Variants in BACH2 observed in about 807,000 individuals in gnomAD.
BACH2 encodes BACH transcriptional regulator 2.
BACH2 carries 5 observed loss-of-function variants against 61.8 expected under a neutral mutation model. The observed-to-expected ratio is 0.08, with a 90% confidence interval of 0.04 to 0.17. BACH2 has a LOEUF of 0.17. BACH2 is among the 10% of genes least tolerant of loss of function. BACH2 has a pLI of 1.00. For synonymous variants in BACH2, 446 were observed against 440.1 expected (o/e 1.01, Z -0.17); for missense variants, 824 against 1,091.1 (o/e 0.76, Z 3.45).
chr6:90,211,619 TG>T, intron 3 of BACH2, among the ~76,000 whole-genome samples: 1 of 151,442 alleles, frequency 6.6e-6, no homozygotes, highest in Admixed American at 6.6e-5. Flanking sequence ...TGTGTGTGTG[TG>T]TGTGTGTGTG....
Sources: allele counts gnomAD v4.1 joint callset (sites outside exome capture counted in the v4.1 genomes callset), GRCh38; gene constraint gnomAD v4.1.1; transcripts MANE v1.5; gene names NCBI Gene and HGNC (gene_info 2026-07-23, HGNC 2026-07-21).